Variants in MGAT5B observed in about 807,000 individuals in gnomAD.
The protein encoded by MGAT5B is N-acetylglucosaminyl-transferase Vb.
A neutral mutation model predicts 95.1 loss-of-function variants in MGAT5B; 54 were observed. The observed-to-expected ratio is 0.57, with a 90% CI of 0.46 to 0.71. The LOEUF (loss-of-function observed/expected upper bound fraction) is 0.71, where lower values mean the gene tolerates loss of function less well. MGAT5B is among the 30% of genes least tolerant of loss of function. The pLI is 0.00. For synonymous variants in MGAT5B, 464 were observed against 451.0 expected (o/e 1.03, Z -0.36); for missense variants, 935 against 1,088.6 (o/e 0.86, Z 1.99).
At chr17:76,943,038 C>CCCCCCCG (rs754402318) in intron 15 of MGAT5B, among the ~76,000 whole-genome samples, 42 of 70,732 alleles carry the variant, frequency 5.9e-4, no homozygotes, top group African/African-American at 2.2e-3. Context: ...TAACTTGCCC[C>CCCCCCCG]CCCGGGAGGC....
At chr17:76,945,907 T>A (rs1459047652) in intron 15 of MGAT5B, among the ~76,000 whole-genome samples, 3 of 152,052 alleles carry the variant, frequency 2.0e-5, no homozygotes, top group African/African-American at 7.3e-5. Flanking sequence ...CAGGAGACAA[T>A]AACACAGGGG....
Position 76,902,674 on chromosome 17 carries a change from G to T in MGAT5B, c.445+4G>T. 6.4e-7 allele frequency: 1 copy of T among 1,571,346 alleles called. No individual in the cohort carries two copies. Among genetic ancestry groups the T allele is most frequent in the Non-Finnish European group, 8.6e-7 (1 of 1,156,676 alleles). On this transcript the variant is annotated splice_donor_region_variant and intron_variant, in intron 4 of 17. Transcript: ENST00000569840. ...AGTCTGCTCCTGCACAGCAAGGGTGGGTGCCAGGGGGCGGGGGTACCCTCT... is the reference window on the plus strand; with the variant it reads ...AGTCTGCTCCTGCACAGCAAGGGTGTGTGCCAGGGGGCGGGGGTACCCTCT...
At chr17:76,879,066 G>A (rs80009619) in intron 2 of MGAT5B, among the ~76,000 whole-genome samples, 6,358 of 152,262 alleles carry the variant, frequency 0.042, 172 homozygotes, top group East Asian at 0.057. Context: ...TGACTTTCAG[G>A]GGCCTCTGCA....
At chr17:76,937,417 G>A (rs1258726258) in intron 12 of MGAT5B, among the ~76,000 whole-genome samples, 1 of 152,020 alleles carries the variant, frequency 6.6e-6, no homozygotes, top group Non-Finnish European at 1.5e-5. Context: ...TGGGTGGGTG[G>A]ATGAGTGGAT....
chr17:76,875,416 G>A (rs1967150543), intron 2 of MGAT5B, among the ~76,000 whole-genome samples: 1 of 152,088 alleles, frequency 6.6e-6, no homozygotes, highest in African/African-American at 2.4e-5. Context: ...GCCATGTGAA[G>A]AAGGACATGT....
intron 2 of MGAT5B, among the ~76,000 whole-genome samples, chr17:76,874,203 A>C (rs1470345972): frequency 6.6e-6 from 1 of 152,164 alleles, no homozygotes; most frequent in Non-Finnish European, 1.5e-5. Context: ...GGTAATACCC[A>C]CTTCCCAGGC....
chr17:76,882,417 G>GTGT, intron 3 of MGAT5B, 119 bp downstream of exon 3: 1 of 1,272,164 alleles, frequency 7.9e-7, no homozygotes, highest in Non-Finnish European at 1.1e-6. Context: ...ACCACACTGT[G>GTGT]GTACAGCCCA....
rs751998942 is a variant in MGAT5B at position 76,932,786 on chromosome 17, C to T, written c.1422+11C>T. ...GCGAGCATCTGGAAGGTGAGCGCGGCCCCTGCGCGCGGGAAGCACCAGCCT... is the reference window on the plus strand; with the variant it reads ...GCGAGCATCTGGAAGGTGAGCGCGGTCCCTGCGCGCGGGAAGCACCAGCCT... On this transcript the variant is annotated intron_variant, in intron 11 of 17. Coordinates refer to ENST00000569840, the MANE Select transcript of MGAT5B (RefSeq NM_001199172.2). 6.2e-7 allele frequency: 1 copy of T among 1,612,698 alleles called. No individual in the cohort carries two copies. The highest frequency in any genetic ancestry group is 2.2e-5 in the East Asian group (1 of 44,848).
chr17:76,899,650 C>CCT (rs1169926870), intron 3 of MGAT5B, among the ~76,000 whole-genome samples: 15 of 151,620 alleles, frequency 9.9e-5, no homozygotes, highest in Non-Finnish European at 1.9e-4. Flanking sequence ...TCTCTCTCTC[C>CCT]CTCTCTCTCT....
chr17:76,933,950 G>T (rs960497846), intron 12 of MGAT5B, among the ~76,000 whole-genome samples: 4 of 152,120 alleles, frequency 2.6e-5, no homozygotes, highest in Non-Finnish European at 5.9e-5. Flanking sequence ...CCAACAAGGA[G>T]AAGGAAGGAG....
Position 76,918,977 on chromosome 17 carries a change from G to A in MGAT5B, c.1026-5989G>A, listed in dbSNP as rs1044467965. Among the ~76,000 whole-genome samples, 7 of 152,264 alleles carry A rather than the reference G, an allele frequency of 4.6e-5. No individual in the cohort carries two copies. Among genetic ancestry groups the A allele is most frequent in the African/African-American group, 1.7e-4 (7 of 41,474 alleles). On this transcript the variant is annotated intron_variant, in intron 8 of 17. Coordinates refer to ENST00000569840, the MANE Select transcript of MGAT5B (RefSeq NM_001199172.2). This position sits in a 1 kb window ranked among gnomAD's most constrained non-coding sequence, Gnocchi z 5.1. ...TAGCCACAGACCAAAGGCACAGAGA[G>A]AAATAAAACCAGGGAATTTTTAGCT...
chr17:76,877,620 CTTGTCT>C (rs1412151874), intron 2 of MGAT5B, among the ~76,000 whole-genome samples: 2 of 152,184 alleles, frequency 1.3e-5, no homozygotes, highest in Non-Finnish European at 2.9e-5. Flanking sequence ...ACGGCCTGTC[CTTGTCT>C]TCTCTGCTGC....
intron 8 of MGAT5B, among the ~76,000 whole-genome samples, chr17:76,923,541 T>C (rs919524313): frequency 2.0e-5 from 3 of 152,024 alleles, no homozygotes; most frequent in African/African-American, 7.2e-5. Flanking sequence ...GAGAGGAAGA[T>C]GAAGACAGGG....
rs765471019 is a variant in MGAT5B, at chr17:76,912,526, T to C, written c.1025+6339T>C. On this transcript the variant is annotated intron_variant, in intron 8 of 17. Coordinates refer to ENST00000569840, the MANE Select transcript of MGAT5B (RefSeq NM_001199172.2). This position sits in a 1 kb window ranked among gnomAD's most constrained non-coding sequence, Gnocchi z 5.0. Reference sequence around the variant, plus strand: ...GGCGGTGGGACAAAGACGCGGCTTGTACATTTGTTGTAGTTTATTCGCAGA... The same window carrying C: ...GGCGGTGGGACAAAGACGCGGCTTGCACATTTGTTGTAGTTTATTCGCAGA... 2.0e-5 allele frequency among the ~76,000 whole-genome samples: 3 copies of C among 152,064 alleles called. No homozygotes were observed. Among genetic ancestry groups the C allele is most frequent in the Non-Finnish European group, 4.4e-5 (3 of 68,014 alleles).
In MGAT5B at chr17:76,869,454, C is replaced by T. The variant is rs951620046; in HGVS notation, c.68+357C>T. 5.9e-5 allele frequency among the ~76,000 whole-genome samples: 9 copies of T among 152,254 alleles called. No individual in the cohort carries two copies. Among genetic ancestry groups the T allele is most frequent in the African/African-American group, 1.9e-4 (8 of 41,540 alleles). On this transcript the variant is annotated intron_variant, in intron 1 of 17. Transcript: ENST00000569840. This position sits in a 1 kb window ranked among gnomAD's most constrained non-coding sequence, Gnocchi z 7.0. ...TCAGGGTCCTTCCTCACCCCGCGGA[C>T]GGTCCCATCCGGGTGGCAAAGTTAG...
chr17:76,873,027 G>A, intron 2 of MGAT5B, 64 bp downstream of exon 2: 2 of 1,564,678 alleles, frequency 1.3e-6, no homozygotes, highest in Non-Finnish European at 1.7e-6. Flanking sequence ...AAGAGGAAGT[G>A]CCTCTGAGCC....
intron 3 of MGAT5B, among the ~76,000 whole-genome samples, chr17:76,891,422 C>T (rs1259897652): frequency 6.6e-6 from 1 of 152,090 alleles, no homozygotes; most frequent in African/African-American, 2.4e-5. Context: ...CTCTGTCAAC[C>T]AGTCTGGAGT....
chr17:76,882,701 G>GC (rs796611708), intron 3 of MGAT5B, among the ~76,000 whole-genome samples: 3 of 111,558 alleles, frequency 2.7e-5, no homozygotes, highest in African/African-American at 5.1e-5. Context: ...ATATTCCACT[G>GC]CCCCTTTTTT....
At chr17:76,885,756 G>A (rs1598903315) in intron 3 of MGAT5B, among the ~76,000 whole-genome samples, 1 of 152,302 alleles carries the variant, frequency 6.6e-6, no homozygotes. Context: ...GGTGTGTCCC[G>A]GGCCTGTGAA....
Sources: gnomAD v4.1 joint callset for allele counts (sites outside exome capture counted in the v4.1 genomes callset) on GRCh38, gnomAD v4.1.1 for gene constraint, Gnocchi (gnomAD v3.1) non-coding constraint, MANE v1.5 for transcripts, NCBI Gene and HGNC (gene_info 2026-07-23, HGNC 2026-07-21) for gene names.